The following FILIP1L variants were observed in gnomAD, a reference collection of about 807,000 sequenced individuals.
FILIP1L encodes the protein filamin A-interacting protein 1-like.
In FILIP1L, 55 loss-of-function variants were observed where a neutral mutation model predicts 96.6. The observed-to-expected ratio is 0.57, with a 90% CI of 0.46 to 0.71. The LOEUF is 0.71. Ranked by LOEUF, FILIP1L falls within the 30% of genes least tolerant of loss-of-function variation. The pLI is 0.00. For missense variants in FILIP1L, 1,304 were observed against 1,321.2 expected (o/e 0.99, Z 0.20); for synonymous variants, 467 against 473.9 (o/e 0.99, Z 0.19).
rs78952677 is a variant in FILIP1L, at chr3:99,845,846, G to A, written c.3381+2449C>T. Among the ~76,000 whole-genome samples the A allele has an allele frequency of 4.5e-3, 692 of 152,194 alleles. 20 individuals carry two copies. The highest frequency in any genetic ancestry group is 0.024 in the East Asian group (127 of 5,186). ...TGCTGATACAAATTATTATACTGAAGGAATCCTCCCAGTAGAGGTACTTCT... is the reference window on the plus strand; with the variant it reads ...TGCTGATACAAATTATTATACTGAAAGAATCCTCCCAGTAGAGGTACTTCT... On this transcript the variant is annotated intron_variant, in intron 5 of 5. Transcript: ENST00000477258.
At chr3:100,041,311 G>A (rs564892711) in intron 1 of FILIP1L, 1 of 152,226 alleles carries the variant, frequency 6.6e-6, no homozygotes, top group South Asian at 2.1e-4. Context: ...AATTATGATG[G>A]AAACTCTATG....
At chr3:99,873,882 A>G (rs1021083746) in intron 4 of FILIP1L, among the ~76,000 whole-genome samples, 6 of 152,222 alleles carry the variant, frequency 3.9e-5, no homozygotes, top group African/African-American at 1.4e-4. Flanking sequence ...AAAAGTGCAA[A>G]TGAACTTACT....
At chr3:99,976,291 A>ACG (rs1708969286) in intron 1 of FILIP1L, among the ~76,000 whole-genome samples, 1 of 152,212 alleles carries the variant, frequency 6.6e-6, no homozygotes, top group Admixed American at 6.5e-5. Flanking sequence ...CCCATATGCT[A>ACG]CGCGTTCCTG....
chr3:100,034,073 G>A lies in FILIP1L; in HGVS notation c.-11+79980C>T, dbSNP rs958527590. Among the ~76,000 whole-genome samples the A allele has an allele frequency of 1.8e-4, 27 of 152,236 alleles. No individual in the cohort carries two copies. The East Asian group carries it at 5.0e-3, about 28-fold the overall frequency. ...GTTATTTTGCTTACATTAGTGACCC[G>A]TTAATACACTTAAGAAAAGAAGTAA... On this transcript the variant is annotated intron_variant, in intron 1 of 5. Coordinates refer to ENST00000477258, the MANE Select transcript of FILIP1L (RefSeq NM_001387850.1).
chr3:99,946,355 T>C (rs914226694), intron 1 of FILIP1L, among the ~76,000 whole-genome samples: 3 of 152,236 alleles, frequency 2.0e-5, no homozygotes, highest in Non-Finnish European at 2.9e-5. Flanking sequence ...AATTTGGAAA[T>C]TTTTTGTTAC....
intron 4 of FILIP1L, among the ~76,000 whole-genome samples, chr3:99,887,839 A>G (rs1245685668): frequency 2.0e-5 from 3 of 151,996 alleles, no homozygotes; most frequent in Non-Finnish European, 2.9e-5. Flanking sequence ...GGCTCAATTC[A>G]TACTCCCTAC....
chr3:99,992,611 G>C (rs1046807144), intron 1 of FILIP1L, among the ~76,000 whole-genome samples: 5 of 151,952 alleles, frequency 3.3e-5, no homozygotes, highest in Admixed American at 1.3e-4. Flanking sequence ...CCATTCTATA[G>C]ATGGTCTTTT....
At chr3:100,038,612 A>T (rs2065150208) in intron 1 of FILIP1L, among the ~76,000 whole-genome samples, 1 of 152,218 alleles carries the variant, frequency 6.6e-6, no homozygotes. Flanking sequence ...TTATTCATTT[A>T]TCCAATACTA....
At chr3:100,109,257 A>G (rs1048957176) in intron 1 of FILIP1L, among the ~76,000 whole-genome samples, 9 of 152,144 alleles carry the variant, frequency 5.9e-5, no homozygotes, top group African/African-American at 1.9e-4. Flanking sequence ...CAAGAATTCC[A>G]TACAACACCA....
rs1273270002 is a variant in FILIP1L at position 100,040,520 on chromosome 3, T to G, written c.-11+73533A>C. 5.9e-5 allele frequency: 9 copies of G among 152,352 alleles called. No homozygotes were observed. In the East Asian group the frequency reaches 1.7e-3, roughly 29 times the overall value. 9.4% of individuals were successfully genotyped at this position (152,352 alleles called of 1,614,324 possible). On this transcript the variant is annotated intron_variant, in intron 1 of 5. Coordinates refer to ENST00000477258, the MANE Select transcript of FILIP1L (RefSeq NM_001387850.1). Reference sequence around the variant, plus strand: ...GCAGCCTGAGTAACTAGTAGTGATTTGTACAGACTTCTCTGCATCTGCTTT... The same window carrying G: ...GCAGCCTGAGTAACTAGTAGTGATTGGTACAGACTTCTCTGCATCTGCTTT...
chr3:99,936,695 C>T (rs1374528325), intron 1 of FILIP1L, among the ~76,000 whole-genome samples: 2 of 150,270 alleles, frequency 1.3e-5, no homozygotes, highest in African/African-American at 2.5e-5. Context: ...TTTTAAATCA[C>T]TTGCCAAAGG....
intron 4 of FILIP1L, among the ~76,000 whole-genome samples, chr3:99,915,627 G>GT (rs1207400348): frequency 6.6e-6 from 1 of 151,332 alleles, no homozygotes; most frequent in Non-Finnish European, 1.5e-5. Flanking sequence ...AGTCTTAATG[G>GT]TTTAAAAAAA....
intron 4 of FILIP1L, chr3:99,898,029 G>A (rs1465176540): frequency 6.6e-6 from 1 of 150,970 alleles, no homozygotes; most frequent in Non-Finnish European, 1.5e-5. Context: ...TCTCACATTG[G>A]TTTTTTTTTC....
At chr3:99,930,700 G>A in intron 2 of FILIP1L, 69 bp downstream of exon 2, 2 of 1,542,794 alleles carry the variant, frequency 1.3e-6, no homozygotes, top group African/African-American at 1.4e-5. Context: ...TTCTGTGGCA[G>A]CAGGAACACC....
intron 1 of FILIP1L, among the ~76,000 whole-genome samples, chr3:100,062,860 A>G (rs1306557838): frequency 1.3e-5 from 2 of 152,140 alleles, no homozygotes; most frequent in East Asian, 3.9e-4. Context: ...CCCAACTCTC[A>G]GTTACTTGTA....
At chr3:99,953,873 T>G (rs1708247272) in intron 1 of FILIP1L, among the ~76,000 whole-genome samples, 1 of 152,250 alleles carries the variant, frequency 6.6e-6, no homozygotes, top group South Asian at 2.1e-4. Flanking sequence ...CTGCCCATGC[T>G]GGAGGCAGAA....
chr3:99,925,871 C>T, intron 3 of FILIP1L: 1 of 985,422 alleles, frequency 1.0e-6, no homozygotes, highest in Non-Finnish European at 1.2e-6. Flanking sequence ...GGTTTATCAG[C>T]TCCTGGCCTT....
intron 4 of FILIP1L, among the ~76,000 whole-genome samples, chr3:99,879,766 A>G (rs1400734554): frequency 6.6e-6 from 1 of 152,174 alleles, no homozygotes; most frequent in Non-Finnish European, 1.5e-5. Context: ...GTGAGATAGT[A>G]TATATGGAAA....
chr3:99,838,075 C>A (rs1454893341), intron 5 of FILIP1L, among the ~76,000 whole-genome samples: 1 of 152,220 alleles, frequency 6.6e-6, no homozygotes, highest in African/African-American at 2.4e-5. Context: ...ATATTGATTG[C>A]CTGTCCAAGC....
Sources: gnomAD v4.1 joint callset for allele counts (sites outside exome capture counted in the v4.1 genomes callset) on GRCh38, gnomAD v4.1.1 for gene constraint, MANE v1.5 for transcripts, NCBI Gene and HGNC (gene_info 2026-07-23, HGNC 2026-07-21) for gene names.